The following OR1B1 variants were observed in gnomAD, a reference collection of about 807,000 sequenced individuals.
The protein encoded by OR1B1 is olfactory receptor family 1 subfamily B member 1.
For missense variants in OR1B1, 414 were observed against 402.1 expected (o/e 1.03, Z -0.25); for synonymous variants, 168 against 156.2 (o/e 1.08, Z -0.57).
the OR1B1 span, among the ~76,000 whole-genome samples, chr9:122,640,824 A>C: frequency 6.6e-6 from 1 of 152,198 alleles, no homozygotes; most frequent in African/African-American, 2.4e-5. Context: ...CACATGATCC[A>C]GAAGATAATT....
At chr9:122,642,528 G>C in the OR1B1 span, among the ~76,000 whole-genome samples, 1 of 151,858 alleles carries the variant, frequency 6.6e-6, no homozygotes, top group Non-Finnish European at 1.5e-5. Context: ...GAGCCACCTG[G>C]GGGGAGGTCA....
chr9:122,641,654 A>C, the OR1B1 span, among the ~76,000 whole-genome samples: 276 of 152,318 alleles, frequency 1.8e-3, no homozygotes, highest in Admixed American at 3.4e-3. Context: ...TTTCACTTAA[A>C]TAGGAAGAAT....
At chr9:122,632,308 A>T (rs1236556590), upstream of OR1B1, among the ~76,000 whole-genome samples, 4 of 152,122 alleles carry the variant, frequency 2.6e-5, no homozygotes, top group African/African-American at 7.2e-5. Context: ...AAAAAAAAAC[A>T]TATTTTTAAA....
At chr9:122,630,453 CTATT>C (rs1416657768), upstream of OR1B1, among the ~76,000 whole-genome samples, 1 of 152,194 alleles carries the variant, frequency 6.6e-6, no homozygotes, top group East Asian at 1.9e-4. Flanking sequence ...TCCACTATGA[CTATT>C]TAAGTTTTAG....
the OR1B1 span, among the ~76,000 whole-genome samples, chr9:122,651,786 T>A: frequency 5.3e-5 from 8 of 152,208 alleles, no homozygotes; most frequent in Non-Finnish European, 8.8e-5. Flanking sequence ...TTTTTGAAAT[T>A]ATCATTTCAG....
chr9:122,653,020 C>T, the OR1B1 span, among the ~76,000 whole-genome samples: 1 of 152,162 alleles, frequency 6.6e-6, no homozygotes, highest in African/African-American at 2.4e-5. Flanking sequence ...AGTAACCAGG[C>T]ACTCAGGACT....
chr9:122,640,465 A>G, the OR1B1 span, among the ~76,000 whole-genome samples: 1 of 152,166 alleles, frequency 6.6e-6, no homozygotes, highest in Non-Finnish European at 1.5e-5. Context: ...ATATAGTCGA[A>G]GGATCCAGAG....
chr9:122,657,238 T>C, the OR1B1 span, among the ~76,000 whole-genome samples: 3 of 149,104 alleles, frequency 2.0e-5, no homozygotes, highest in Non-Finnish European at 1.5e-5. Flanking sequence ...AATTGTTATA[T>C]AGAACTTACC....
At chr9:122,651,184 G>C in the OR1B1 span, among the ~76,000 whole-genome samples, 13 of 152,124 alleles carry the variant, frequency 8.5e-5, no homozygotes, top group African/African-American at 2.9e-4. Flanking sequence ...ATTTAATTTT[G>C]TTTTGTTAAT....
the OR1B1 span, among the ~76,000 whole-genome samples, chr9:122,650,604 A>G: frequency 3.9e-5 from 6 of 152,236 alleles, no homozygotes; most frequent in African/African-American, 1.4e-4. Flanking sequence ...GTTTAGAAAT[A>G]TAACTGATAA....
chr9:122,654,211 A>G, the OR1B1 span, among the ~76,000 whole-genome samples: 1 of 152,366 alleles, frequency 6.6e-6, no homozygotes, highest in East Asian at 1.9e-4. Context: ...CATGTAAACA[A>G]TCAAAGGGAA....
At chr9:122,628,200 C>T (rs1184573546), downstream of OR1B1, among the ~76,000 whole-genome samples, 3 of 152,118 alleles carry the variant, frequency 2.0e-5, no homozygotes, top group Non-Finnish European at 2.9e-5. Context: ...CAAGAACACA[C>T]ACCAACCTAA....
the OR1B1 span, among the ~76,000 whole-genome samples, chr9:122,648,836 T>G: frequency 6.6e-6 from 1 of 152,170 alleles, no homozygotes; most frequent in East Asian, 1.9e-4. Flanking sequence ...CAAAGTAATT[T>G]ATACATTCAA....
the OR1B1 span, among the ~76,000 whole-genome samples, chr9:122,635,203 C>T: frequency 6.6e-6 from 1 of 152,114 alleles, no homozygotes; most frequent in Non-Finnish European, 1.5e-5. Flanking sequence ...AGAGGTTCTG[C>T]TCTTTTTTGT....
At chr9:122,628,840 T>A (rs781653947) in exon 1 of OR1B1, 1 of 1,613,782 alleles carries the variant, frequency 6.2e-7, no homozygotes, top group Non-Finnish European at 8.5e-7. Context: ...AAGGCAAACG[T>A]AGAATAGCGG....
chr9:122,654,481 G>A, the OR1B1 span, among the ~76,000 whole-genome samples: 1 of 152,272 alleles, frequency 6.6e-6, no homozygotes, highest in Admixed American at 6.5e-5. Flanking sequence ...TTATGGTTTT[G>A]ACAATATTTT....
upstream of OR1B1, among the ~76,000 whole-genome samples, chr9:122,630,481 T>C (rs1326819792): frequency 3.3e-5 from 5 of 152,324 alleles, no homozygotes; most frequent in Non-Finnish European, 7.4e-5. Context: ...CTCTAACCAA[T>C]ACTAATTTCT....
At chr9:122,655,210 G>A in the OR1B1 span, among the ~76,000 whole-genome samples, 1 of 152,112 alleles carries the variant, frequency 6.6e-6, no homozygotes, top group African/African-American at 2.4e-5. Flanking sequence ...GTGATGAGGG[G>A]TCAAAGAGGA....
chr9:122,643,792 T>A, the OR1B1 span, among the ~76,000 whole-genome samples: 3 of 152,170 alleles, frequency 2.0e-5, no homozygotes, highest in African/African-American at 7.2e-5. Flanking sequence ...CACAGCAGGA[T>A]AGGGCATTGG....
Sources: allele counts gnomAD v4.1 joint callset (sites outside exome capture counted in the v4.1 genomes callset), GRCh38; gene constraint gnomAD v4.1.1; transcripts MANE v1.5; gene names NCBI Gene and HGNC (gene_info 2026-07-23, HGNC 2026-07-21).